Variants in NXPE2 observed in about 807,000 individuals in gnomAD.
NXPE2 encodes the protein neurexophilin and PC-esterase domain family member 2.
A neutral mutation model predicts 34.4 loss-of-function variants in NXPE2; 34 were observed. The observed-to-expected ratio is 0.99, with a 90% CI of 0.75 to 1.31. NXPE2 has a LOEUF of 1.31. NXPE2 is among the 40% of genes most tolerant of loss of function. NXPE2 has a pLI of 0.00. For synonymous variants in NXPE2, 235 were observed against 231.3 expected, an observed-to-expected ratio of 1.02 and a Z score of -0.15; for missense variants, 649 against 672.5, an observed-to-expected ratio of 0.97 and a Z score of 0.39.
At chr11:114,513,257 CTGTG>C in the NXPE2 span, 1 of 516,736 alleles carries the variant, frequency 1.9e-6, no homozygotes, top group Non-Finnish European at 3.9e-6. Flanking sequence ...GGTGGCTGTG[CTGTG>C]TGCAGCACTG....
chr11:114,808,871 C>T, the NXPE2 span, among the ~76,000 whole-genome samples: 3 of 152,128 alleles, frequency 2.0e-5, no homozygotes, highest in African/African-American at 7.2e-5. Flanking sequence ...GATACCAAAG[C>T]CTGGCAGAGA....
At chr11:114,617,589 C>G in the NXPE2 span, among the ~76,000 whole-genome samples, 17 of 151,996 alleles carry the variant, frequency 1.1e-4, no homozygotes, top group Non-Finnish European at 7.4e-5. Flanking sequence ...ACCGGTGTTA[C>G]CCGGTGCATA....
At chr11:114,759,176 A>G in the NXPE2 span, among the ~76,000 whole-genome samples, 6 of 151,948 alleles carry the variant, frequency 3.9e-5, no homozygotes, top group Non-Finnish European at 2.9e-5. Flanking sequence ...TGATTGCTCA[A>G]TTTCACCCAC....
At chr11:114,640,509 T>G in the NXPE2 span, among the ~76,000 whole-genome samples, 1 of 151,836 alleles carries the variant, frequency 6.6e-6, no homozygotes, top group South Asian at 2.1e-4. Flanking sequence ...TAGATCTAAT[T>G]ATAGTTCTTT....
At chr11:114,617,404 G>A in the NXPE2 span, among the ~76,000 whole-genome samples, 898 of 151,884 alleles carry the variant, frequency 5.9e-3, 3 homozygotes, top group African/African-American at 0.02. Context: ...GTATTGCCTC[G>A]TGGGTAACCA....
the NXPE2 span, chr11:114,530,608 A>G: frequency 1.2e-6 from 2 of 1,613,890 alleles, no homozygotes; most frequent in Non-Finnish European, 1.7e-6. Flanking sequence ...TCCCCACCAT[A>G]TTGCTTCCTC....
chr11:114,553,779 C>A, the NXPE2 span: 1 of 984,780 alleles, frequency 1.0e-6, no homozygotes. Context: ...GTGAGCTGAA[C>A]CCAGCCTTTG....
the NXPE2 span, among the ~76,000 whole-genome samples, chr11:114,783,783 G>A: frequency 6.6e-6 from 1 of 152,314 alleles, no homozygotes; most frequent in South Asian, 2.1e-4. Flanking sequence ...TGCACATGGA[G>A]TATTTGGTTA....
intron 2 of NXPE2, among the ~76,000 whole-genome samples, chr11:114,688,525 GA>G (rs1951088252): frequency 1.3e-5 from 2 of 151,954 alleles, no homozygotes. Context: ...ATATTCATCA[GA>G]AATATTTGTC....
chr11:114,739,600 A>C, the NXPE2 span, among the ~76,000 whole-genome samples: 2,201 of 152,136 alleles, frequency 0.014, 55 homozygotes, highest in African/African-American at 0.05. Context: ...GAGAATACTT[A>C]AGATTTACTC....
the NXPE2 span, among the ~76,000 whole-genome samples, chr11:114,787,214 A>G: frequency 6.6e-6 from 1 of 152,070 alleles, no homozygotes; most frequent in Non-Finnish European, 1.5e-5. Context: ...GAAAGTGGGG[A>G]AAAAAGCTCG....
At chr11:114,620,406 A>G in the NXPE2 span, among the ~76,000 whole-genome samples, 1 of 151,828 alleles carries the variant, frequency 6.6e-6, no homozygotes, top group Non-Finnish European at 1.5e-5. Flanking sequence ...TACCCATTGG[A>G]TAATAAGTGT....
At chr11:114,625,123 C>T in the NXPE2 span, among the ~76,000 whole-genome samples, 10 of 152,192 alleles carry the variant, frequency 6.6e-5, no homozygotes, top group African/African-American at 2.2e-4. Flanking sequence ...TCATGGGTAA[C>T]CACTTCTAAT....
At chr11:114,733,591 A>G in the NXPE2 span, among the ~76,000 whole-genome samples, 6 of 152,124 alleles carry the variant, frequency 3.9e-5, no homozygotes, top group South Asian at 2.1e-4. Flanking sequence ...GCCGTAAGTT[A>G]TCTAATACAT....
At chr11:114,774,008 C>G in the NXPE2 span, among the ~76,000 whole-genome samples, 1 of 152,228 alleles carries the variant, frequency 6.6e-6, no homozygotes, top group African/African-American at 2.4e-5. Context: ...TCTCTCTCTA[C>G]GGCCCTCAGT....
chr11:114,667,936 G>A, the NXPE2 span, among the ~76,000 whole-genome samples: 1 of 151,900 alleles, frequency 6.6e-6, no homozygotes, highest in African/African-American at 2.4e-5. Context: ...AAGTTACACA[G>A]CAGTAGATAA....
At chr11:114,777,981 G>A in the NXPE2 span, among the ~76,000 whole-genome samples, 1 of 152,174 alleles carries the variant, frequency 6.6e-6, no homozygotes, top group Non-Finnish European at 1.5e-5. Context: ...CAGTCCAGGG[G>A]CAAAGAAAAA....
chr11:114,664,519 A>G, the NXPE2 span, among the ~76,000 whole-genome samples: 1 of 152,330 alleles, frequency 6.6e-6, no homozygotes, highest in East Asian at 1.9e-4. Context: ...AAACCTGGAC[A>G]GAGTGTCATT....
the NXPE2 span, among the ~76,000 whole-genome samples, chr11:114,616,992 A>G: frequency 6.6e-6 from 1 of 150,614 alleles, no homozygotes; most frequent in East Asian, 1.9e-4. Flanking sequence ...CCTTGTGGGT[A>G]ACCACTGTTA....
Sources: gnomAD v4.1 joint callset for allele counts (sites outside exome capture counted in the v4.1 genomes callset) on GRCh38, gnomAD v4.1.1 for gene constraint, MANE v1.5 for transcripts, NCBI Gene and HGNC (gene_info 2026-07-23, HGNC 2026-07-21) for gene names.